Variants in GOLGA8B observed in about 807,000 individuals in gnomAD.
The protein encoded by GOLGA8B is golgin A8 family member B.
A neutral mutation model predicts 15.6 loss-of-function variants in GOLGA8B; 1 was observed. The ratio of observed to expected loss-of-function variants is 0.06; its 90% CI spans 0.02 to 0.30. The LOEUF (loss-of-function observed/expected upper bound fraction) is 0.30, where lower values mean the gene tolerates loss of function less well. Ranked by LOEUF, GOLGA8B falls within the 10% of genes least tolerant of loss-of-function variation. The pLI is 1.00. For synonymous variants in GOLGA8B, 9 were observed against 80.3 expected, an observed-to-expected ratio of 0.11 and a Z score of 4.75; for missense variants, 17 against 201.3, an observed-to-expected ratio of 0.08 and a Z score of 5.54.
At chr15:34,570,074 C>T (rs1419891840) in intron 1 of GOLGA8B, among the ~76,000 whole-genome samples, 2 of 152,204 alleles carry the variant, frequency 1.3e-5, no homozygotes, top group South Asian at 2.1e-4. Flanking sequence ...CTGTACCCTA[C>T]CCTCTTCTCC....
intron 1 of GOLGA8B, chr15:34,582,605 C>G (rs1262545833): frequency 3.3e-5 from 5 of 152,384 alleles, no homozygotes; most frequent in African/African-American, 9.6e-5. Flanking sequence ...CTTTCTTCTG[C>G]CAATAAATAC....
At chr15:34,572,848 C>T (rs1888958936) in intron 1 of GOLGA8B, among the ~76,000 whole-genome samples, 2 of 152,332 alleles carry the variant, frequency 1.3e-5, no homozygotes, top group South Asian at 2.1e-4. Context: ...GCGCCACCCC[C>T]GTTGATGGAG....
At chr15:34,581,112 C>T (rs1889218320) in intron 1 of GOLGA8B, among the ~76,000 whole-genome samples, 1 of 152,208 alleles carries the variant, frequency 6.6e-6, no homozygotes, top group African/African-American at 2.4e-5. Flanking sequence ...GACCGCCAGT[C>T]CTGTCCTCCC....
chr15:34,569,297 G>A (rs1322906443), intron 1 of GOLGA8B, among the ~76,000 whole-genome samples: 1 of 147,864 alleles, frequency 6.8e-6, no homozygotes, highest in Non-Finnish European at 1.5e-5. Flanking sequence ...ATGGGAAGAC[G>A]ACAAACTAAC....
At position 34,572,817 on chromosome 15, in the gene GOLGA8B, T is replaced by TATATA. The variant is rs749963258; in HGVS notation, c.-1123+10698_-1123+10699insTATAT. Among the ~76,000 whole-genome samples, 3 of 152,376 alleles carry TATATA rather than the reference T, an allele frequency of 2.0e-5. No individual in the cohort carries two copies. In the East Asian group the frequency reaches 5.8e-4, roughly 29 times the overall value. The stretch of plus-strand genomic sequence containing the variant: ...TTAAAGGATCTCAAGATCTGTGTTA[T>TATATA]ATAGATCTATCATATGTTAGGCGCC... On this transcript the variant is annotated intron_variant, in intron 1 of 23. Coordinates refer to ENST00000683415, the MANE Select transcript of GOLGA8B (RefSeq NM_001023567.5).
intron 1 of GOLGA8B, chr15:34,582,675 C>G (rs1889273550): frequency 6.6e-6 from 1 of 152,370 alleles, no homozygotes; most frequent in Non-Finnish European, 1.5e-5. Flanking sequence ...GGACAGGCCC[C>G]TCGGCGGGCG....
intron 1 of GOLGA8B, among the ~76,000 whole-genome samples, chr15:34,569,531 C>G (rs1435766994): frequency 1.3e-5 from 2 of 151,308 alleles, no homozygotes; most frequent in Non-Finnish European, 2.9e-5. Flanking sequence ...CCTGGCAACA[C>G]CCACCCATCA....
chr15:34,568,992 T>A (rs1888834912), intron 1 of GOLGA8B, among the ~76,000 whole-genome samples: 1 of 150,022 alleles, frequency 6.7e-6, no homozygotes, highest in South Asian at 2.1e-4. Flanking sequence ...CTGCAGGCAT[T>A]CTACAGGCCT....
chr15:34,581,433 T>G (rs948627278), intron 1 of GOLGA8B: 2 of 152,246 alleles, frequency 1.3e-5, no homozygotes, highest in African/African-American at 4.8e-5. Context: ...TCTCTAAGCT[T>G]CCAGGGGTGT....
chr15:34,526,509 G>T lies in GOLGA8B; in HGVS notation c.*1123C>A, dbSNP rs1005047992. ...ACTTCAAGCCTCAAAGAAGCTCCAT[G>T]AACAGAGAGGAATGCCAGGTGTCAC... On this transcript the variant is annotated 3_prime_UTR_variant, in exon 24 of 24. Coordinates refer to ENST00000683415, the MANE Select transcript of GOLGA8B (RefSeq NM_001023567.5). 2 of 148,750 alleles carry T rather than the reference G, an allele frequency of 1.3e-5. No homozygotes were observed. The highest frequency in any genetic ancestry group is 5.0e-5 in the African/African-American group (2 of 40,170). The allele number at this position is 148,750 out of a possible 1,614,324, so 9.2% of individuals were successfully genotyped here. A position where few individuals can be genotyped will look rare whatever the true frequency, so the allele number is the denominator to read the frequency against.
intron 1 of GOLGA8B, among the ~76,000 whole-genome samples, chr15:34,577,560 A>T (rs8039675): frequency 0.37 from 52,986 of 141,842 alleles, 9,877 homozygotes; most frequent in Admixed American, 0.44. Flanking sequence ...ACACACACAC[A>T]GATGCGTCAC....
At chr15:34,583,160 A>G (rs1040091788) in intron 1 of GOLGA8B, among the ~76,000 whole-genome samples, 3 of 151,836 alleles carry the variant, frequency 2.0e-5, no homozygotes, top group African/African-American at 7.3e-5. Flanking sequence ...CGGCCAGCCC[A>G]GCGAGATCCG....
intron 1 of GOLGA8B, among the ~76,000 whole-genome samples, chr15:34,583,089 G>A (rs1889289874): frequency 6.6e-6 from 1 of 152,140 alleles, no homozygotes; most frequent in African/African-American, 2.4e-5. Context: ...CTCAGTAGTT[G>A]CCGCCCAGCT....
At chr15:34,567,764 T>G (rs542443994) in intron 1 of GOLGA8B, among the ~76,000 whole-genome samples, 11 of 151,666 alleles carry the variant, frequency 7.3e-5, no homozygotes, top group Non-Finnish European at 7.4e-5. Flanking sequence ...ACCATACAGA[T>G]TACTGGTTTT....
chr15:34,566,519 A>T (rs1482684249), intron 1 of GOLGA8B: 1 of 140,500 alleles, frequency 7.1e-6, no homozygotes, highest in Non-Finnish European at 1.6e-5. Context: ...CAACAATCTC[A>T]GTGGAGTGGC....
chr15:34,583,289 C>A (rs1260658638), intron 1 of GOLGA8B, among the ~76,000 whole-genome samples: 4 of 152,030 alleles, frequency 2.6e-5, no homozygotes, highest in Non-Finnish European at 5.9e-5. Flanking sequence ...GCCCGCCTGT[C>A]GTGGGAGGAG....
chr15:34,581,508 G>A (rs77646840), intron 1 of GOLGA8B: 2 of 151,832 alleles, frequency 1.3e-5, no homozygotes, highest in African/African-American at 4.8e-5. Flanking sequence ...TTGGCAAACT[G>A]GATATTTATG....
intron 1 of GOLGA8B, among the ~76,000 whole-genome samples, chr15:34,575,725 A>C (rs1333312930): frequency 6.6e-6 from 1 of 152,152 alleles, no homozygotes; most frequent in Non-Finnish European, 1.5e-5. Flanking sequence ...GATCCACCCC[A>C]ACCTACCGTG....
intron 1 of GOLGA8B, among the ~76,000 whole-genome samples, chr15:34,565,674 TC>T (rs1888741357): frequency 6.4e-3 from 9 of 1,400 alleles, no homozygotes; most frequent in Middle Eastern, 0.17. Flanking sequence ...TTTCTTTCTT[TC>T]TTTCTTTTTT....
Sources: allele counts gnomAD v4.1 joint callset (sites outside exome capture counted in the v4.1 genomes callset), GRCh38; gene constraint gnomAD v4.1.1; transcripts MANE v1.5; gene names NCBI Gene and HGNC (gene_info 2026-07-23, HGNC 2026-07-21).